The following BCOR variants were observed in gnomAD, a reference collection of about 807,000 sequenced individuals.
The protein encoded by BCOR is BCL6 corepressor, also known as BCL-6 corepressor.
A neutral mutation model predicts 86.7 loss-of-function variants in BCOR; 10 were observed. The ratio of observed to expected loss-of-function variants is 0.12; its 90% CI spans 0.07 to 0.20. BCOR has a LOEUF of 0.20. Among genes scored for constraint, BCOR ranks in the 10% least tolerant of loss-of-function variants. BCOR has a pLI of 1.00. For missense variants in BCOR, 1,259 were observed against 1,452.1 expected, an observed-to-expected ratio of 0.87 and a Z score of 2.16; for synonymous variants, 611 against 609.0, an observed-to-expected ratio of 1.00 and a Z score of -0.05.
intron 1 of BCOR, among the ~76,000 whole-genome samples, chrX:40,162,557 T>C (rs752611251): frequency 1.8e-5 from 2 of 111,328 alleles, no homozygotes; most frequent in Admixed American, 9.6e-5. Context: ...AATTCGGGGC[T>C]CCAATCTGCA....
intron 8 of BCOR, 145 bp from the exon 9 acceptor site, chrX:40,063,216 A>G (rs1934999437): frequency 2.2e-6 from 1 of 460,136 alleles, no homozygotes; most frequent in East Asian, 3.7e-5. Flanking sequence ...AGATACACCA[A>G]TTATGTTTTC....
At chrX:40,095,152 C>T (rs771914766) in intron 1 of BCOR, among the ~76,000 whole-genome samples, 11 of 111,678 alleles carry the variant, frequency 9.8e-5, no homozygotes, top group East Asian at 2.8e-4. Context: ...GCCTTCCCCC[C>T]CCACTCCGCT....
chrX:40,133,010 C>T (rs888179449), intron 1 of BCOR, among the ~76,000 whole-genome samples: 4 of 112,598 alleles, frequency 3.6e-5, no homozygotes, highest in African/African-American at 1.3e-4. Context: ...GACAGTGAAA[C>T]CCACTGCTCA....
intron 1 of BCOR, among the ~76,000 whole-genome samples, chrX:40,129,214 G>A (rs1334206741): frequency 8.9e-6 from 1 of 111,840 alleles, no homozygotes; most frequent in Non-Finnish European, 1.9e-5. Flanking sequence ...AGCCGGGCAT[G>A]GTGGCTCACG....
At chrX:40,176,447 G>A (rs751546237) in intron 1 of BCOR, among the ~76,000 whole-genome samples, 21 of 112,451 alleles carry the variant, frequency 1.9e-4, no homozygotes, top group African/African-American at 6.8e-4. Context: ...GGCGGTTCCG[G>A]TCGTTCCGGG....
intron 1 of BCOR, among the ~76,000 whole-genome samples, chrX:40,116,223 C>T (rs980405234): frequency 1.8e-5 from 2 of 112,016 alleles, no homozygotes; most frequent in Admixed American, 9.5e-5. Flanking sequence ...TATGGCTGGG[C>T]GCGGTGGCTC....
intron 1 of BCOR, among the ~76,000 whole-genome samples, chrX:40,108,181 A>C (rs1937230425): frequency 8.9e-6 from 1 of 112,009 alleles, no homozygotes; most frequent in East Asian, 2.8e-4. Context: ...ACCCATTTAC[A>C]TGTGGAGCTT....
chrX:40,071,905 C>CTT, intron 4 of BCOR: 5 of 364,559 alleles, frequency 1.4e-5, no homozygotes, highest in East Asian at 4.5e-5. Flanking sequence ...AACCTTTTTT[C>CTT]TTTTTTTTTT....
At chrX:40,157,718 C>T (rs1938326760) in intron 1 of BCOR, among the ~76,000 whole-genome samples, 2 of 111,848 alleles carry the variant, frequency 1.8e-5, no homozygotes, top group African/African-American at 6.5e-5. Flanking sequence ...TCTGACCTCC[C>T]AACCTGAGCC....
At chrX:40,105,619 C>T (rs1455385584) in intron 1 of BCOR, among the ~76,000 whole-genome samples, 1 of 112,935 alleles carries the variant, frequency 8.9e-6, no homozygotes, top group Non-Finnish European at 1.9e-5. Context: ...GCCGCCACTC[C>T]GGCCGGGCAG....
downstream of BCOR, chrX:40,051,248 C>A (rs1218830485): frequency 6.3e-6 from 1 of 159,272 alleles, no homozygotes; most frequent in Non-Finnish European, 1.2e-5. Context: ...CAAGGTACTT[C>A]AATTTTCTCC....
chrX:40,163,211 C>G (rs1187972320), intron 1 of BCOR, among the ~76,000 whole-genome samples: 3 of 110,874 alleles, frequency 2.7e-5, no homozygotes, highest in Non-Finnish European at 5.7e-5. Context: ...TTCCCCAAGA[C>G]AGTAGGCTAA....
At chrX:40,123,782 G>A (rs778503021) in intron 1 of BCOR, among the ~76,000 whole-genome samples, 4 of 106,136 alleles carry the variant, frequency 3.8e-5, no homozygotes, top group African/African-American at 1.4e-4. Flanking sequence ...TAGGGGAAGA[G>A]AAGGTTTCCT....
At chrX:40,154,560 C>G (rs1239427238) in intron 1 of BCOR, among the ~76,000 whole-genome samples, 1 of 110,569 alleles carries the variant, frequency 9.0e-6, no homozygotes, top group African/African-American at 3.3e-5. Flanking sequence ...CCTCCCCTCC[C>G]CCACCTCGGC....
At chrX:40,114,408 G>A (rs1391751929) in intron 1 of BCOR, among the ~76,000 whole-genome samples, 2 of 111,667 alleles carry the variant, frequency 1.8e-5, no homozygotes, top group Non-Finnish European at 3.8e-5. Context: ...GGAGGCCTTG[G>A]GAGTCCTGTC....
At chrX:40,098,601 CAGCAG>C (rs1335846703), upstream of BCOR, among the ~76,000 whole-genome samples, 2 of 111,556 alleles carry the variant, frequency 1.8e-5, no homozygotes, top group Non-Finnish European at 3.8e-5. Flanking sequence ...ACCCCAGCGG[CAGCAG>C]CCGCTGCCGC....
intron 4 of BCOR, 113 bp from the exon 5 acceptor site, chrX:40,071,803 T>C (rs1158292701): frequency 1.1e-5 from 6 of 532,551 alleles, no homozygotes; most frequent in Non-Finnish European, 2.0e-5. Flanking sequence ...TTATTCATCT[T>C]TTAATTAAAA....
At position 40,139,414 on chromosome X, in the gene BCOR, TAA is replaced by T. The variant is rs1569192306; in HGVS notation, c.-41+37591_-41+37592del. Among the ~76,000 whole-genome samples, 27 of 14,873 alleles carry T rather than the reference TAA, an allele frequency of 1.8e-3. 7 individuals carry two copies. The highest frequency in any genetic ancestry group is 7.8e-3 in the African/African-American group (27 of 3,451). 12.9% of individuals were successfully genotyped at this position (14,873 alleles called of 115,157 possible). ...ATATACATATATATATATATATATA[TAA>T]TATATATACATATATATATATATAT... On this transcript the variant is annotated intron_variant, in intron 1 of 14. Coordinates refer to the BCOR transcript ENST00000342274.
chrX:40,055,564 A>G (rs1195563458), intron 11 of BCOR, 51 bp from the exon 12 acceptor site: 1 of 1,190,441 alleles, frequency 8.4e-7, no homozygotes, highest in African/African-American at 1.8e-5. Context: ...ACACTTGCTT[A>G]TAAAGCAGTT....
Sources: allele counts gnomAD v4.1 joint callset (sites outside exome capture counted in the v4.1 genomes callset), GRCh38; gene constraint gnomAD v4.1.1; transcripts MANE v1.5; gene names NCBI Gene and HGNC (gene_info 2026-07-23, HGNC 2026-07-21).